CARMIL2: variants seen among roughly 807,000 people sequenced by gnomAD.
CARMIL2 encodes the protein capping protein, Arp2/3 and myosin-I linker protein 2.
Under a neutral mutation model 173.3 loss-of-function variants are expected in CARMIL2, and 96 were observed. That is an observed-to-expected ratio of 0.55 (90% CI 0.47 to 0.66). The LOEUF is 0.66. CARMIL2 is among the 30% of genes least tolerant of loss of function. The probability of loss-of-function intolerance (pLI) is 0.00; values close to 1 mark genes in which losing one functional copy is unlikely to be tolerated. For synonymous variants in CARMIL2, 830 were observed against 817.1 expected, an observed-to-expected ratio of 1.02 and a Z score of -0.27; for missense variants, 1,771 against 1,906.7, an observed-to-expected ratio of 0.93 and a Z score of 1.33.
In CARMIL2 at chr16:67,657,260, G is replaced by T; in HGVS notation, c.4139G>T (p.Arg1380Leu). ...APAERPLRLQ[R>L]SPVLKRRPKL... ...TTAGAACGGCCCCTGAGGCTGCAGCGCTCCCCCGTCCTCAAACGCAGGCCA... is the reference window on the plus strand; with the variant it reads ...TTAGAACGGCCCCTGAGGCTGCAGCTCTCCCCCGTCCTCAAACGCAGGCCA... Residue 1380 changes from arginine (R) to leucine (L), a missense_variant, in exon 37 of 38, where the codon CGC becomes CTC. Physicochemically the swap from Arg to Leu is moderately radical, Grantham distance 102 (BLOSUM62 -2). Coordinates refer to ENST00000334583, the MANE Select transcript of CARMIL2 (RefSeq NM_001013838.3). The surrounding 1 kb of genome is among the most constrained non-coding windows in gnomAD (Gnocchi z 4.5). The T allele has an allele frequency of 6.2e-7, 1 of 1,613,630 alleles. No homozygotes were observed. The highest frequency in any genetic ancestry group is 8.5e-7 in the Non-Finnish European group (1 of 1,179,786).
Position 67,649,318 on chromosome 16 carries a change from T to C in CARMIL2, c.1746+7T>C, listed in dbSNP as rs776333745. 4 of 1,611,716 alleles carry C rather than the reference T, an allele frequency of 2.5e-6. No individual in the cohort carries two copies. The highest frequency in any genetic ancestry group is 3.4e-6 in the Non-Finnish European group (4 of 1,179,614). ...CATGCAGGACGACGATTGTGTGAGT[T>C]CACGGGACCTTGCAGGGCCTCGGGC... On this transcript the variant is annotated splice_region_variant and intron_variant, in intron 19 of 37. Coordinates refer to ENST00000334583, the MANE Select transcript of CARMIL2 (RefSeq NM_001013838.3). The surrounding 1 kb of genome is among the most constrained non-coding windows in gnomAD (Gnocchi z 6.7).
In CARMIL2 at chr16:67,652,764, C is replaced by G. The variant is rs2052751115; in HGVS notation, c.2884+226C>G. Reference sequence around the variant, plus strand: ...GGGACAGGACACCGGCTCAGCTCGCCTCCCCGCGCCCCTTTCCCTACCCCA... The same window carrying G: ...GGGACAGGACACCGGCTCAGCTCGCGTCCCCGCGCCCCTTTCCCTACCCCA... On this transcript the variant is annotated intron_variant, in intron 28 of 37. Transcript: ENST00000334583. This position sits in a 1 kb window ranked among gnomAD's most constrained non-coding sequence, Gnocchi z 4.7. Among the ~76,000 whole-genome samples the G allele has an allele frequency of 6.6e-6, 1 of 152,028 alleles. No individual in the cohort carries two copies. The highest frequency in any genetic ancestry group is 1.5e-5 in the Non-Finnish European group (1 of 67,956).
Position 67,649,061 on chromosome 16 carries a change from C to G in CARMIL2, c.1592-15C>G, listed in dbSNP as rs1370299151. 1.2e-6 allele frequency: 2 copies of G among 1,610,484 alleles called. No homozygotes were observed. The highest frequency in any genetic ancestry group is 1.7e-6 in the Non-Finnish European group (2 of 1,178,534). On this transcript the variant is annotated splice_polypyrimidine_tract_variant and intron_variant, in intron 17 of 37. Transcript: ENST00000334583. The surrounding 1 kb of genome is among the most constrained non-coding windows in gnomAD (Gnocchi z 6.7). Reference sequence around the variant, plus strand: ...CTTGCAACTTCGCCTCGTGCGTGACCCGAGTCACCCCCAGGCTTCGGCTCA... The same window carrying G: ...CTTGCAACTTCGCCTCGTGCGTGACGCGAGTCACCCCCAGGCTTCGGCTCA...
At position 67,645,294 on chromosome 16, in the gene CARMIL2, C is replaced by A; in HGVS notation, c.40+8C>A. The A allele has an allele frequency of 6.2e-7, 1 of 1,602,684 alleles. No individual in the cohort carries two copies. Among genetic ancestry groups the A allele is most frequent in the Non-Finnish European group, 8.5e-7 (1 of 1,175,302 alleles). On this transcript the variant is annotated splice_region_variant and intron_variant, in intron 1 of 37. Coordinates refer to ENST00000334583, the MANE Select transcript of CARMIL2 (RefSeq NM_001013838.3). ...TCTCCTGTGAGCTCCGAGGTAAGCG[C>A]TGGCCCTTCCTGCCTTCTTGGCCGG...
Position 67,652,527 on chromosome 16 carries a change from C to G in CARMIL2, c.2873C>G (p.Pro958Arg). The change falls in exon 28 of 38, where the codon CCC becomes CGC. Residue 958 changes from proline to arginine, a missense_variant. By Grantham distance (103) the Pro-to-Arg change is moderately radical. Around this residue, in one of 3 missense-constraint regions of CARMIL2, gnomAD observed 817 missense variants for 903.5 expected, o/e 0.90. Transcript: ENST00000334583. The surrounding 1 kb of genome is among the most constrained non-coding windows in gnomAD (Gnocchi z 4.7). ...PELSHGLHLV[P>R]FIHSAAEEAE... is the part of the protein sequence containing the mutation. ...CTCAGCCACGGTCTTCACCTGGTCCCCTTCATTCACAGTAAGTCAGGGCCT... is the reference window on the plus strand; with the variant it reads ...CTCAGCCACGGTCTTCACCTGGTCCGCTTCATTCACAGTAAGTCAGGGCCT... 2 of 1,613,506 alleles carry G rather than the reference C, an allele frequency of 1.2e-6. No individual in the cohort carries two copies. The highest frequency in any genetic ancestry group is 1.7e-4 in the Middle Eastern group (1 of 6,056).
rs1597749417 is a variant in CARMIL2, at chr16:67,649,218, A to C, written c.1689-36A>C. The C allele has an allele frequency of 6.2e-7, 1 of 1,611,380 alleles. No homozygotes were observed. The highest frequency in any genetic ancestry group is 8.5e-7 in the Non-Finnish European group (1 of 1,179,088). On this transcript the variant is annotated intron_variant, in intron 18 of 37. Transcript: ENST00000334583. The surrounding 1 kb of genome is among the most constrained non-coding windows in gnomAD (Gnocchi z 6.7). ...TGGGCCTCCCAGACAACACCCCACC[A>C]CCCCTGTCCCCCACAACTGCGGCCC...
chr16:67,648,572 T>G lies in CARMIL2; in HGVS notation c.1439+70T>G. The G allele has an allele frequency of 7.2e-7, 1 of 1,392,750 alleles. No homozygotes were observed. Among genetic ancestry groups the G allele is most frequent in the Non-Finnish European group, 9.8e-7 (1 of 1,021,508 alleles). 86.3% of individuals were successfully genotyped at this position (1,392,750 alleles called of 1,614,324 possible). A position where few individuals can be genotyped will look rare whatever the true frequency, so the allele number is the denominator to read the frequency against. On this transcript the variant is annotated intron_variant, in intron 15 of 37. Transcript: ENST00000334583. This position sits in a 1 kb window ranked among gnomAD's most constrained non-coding sequence, Gnocchi z 6.1. Reference sequence around the variant, plus strand: ...TGCCCTGGCCTTCGCCCCTCCCCGCTCCTGCTTCTGTCGCTCCCACAACCT... The same window carrying G: ...TGCCCTGGCCTTCGCCCCTCCCCGCGCCTGCTTCTGTCGCTCCCACAACCT...
In CARMIL2 at chr16:67,653,798, A is replaced by C. The variant is rs1236972074; in HGVS notation, c.3121-351A>C. ...GTGGAGTGGGGGTGGGGTGGGGGAC[A>C]CTGCAGGGAACTGTTCGGAGCAGAG... On this transcript the variant is annotated intron_variant, in intron 29 of 37. Transcript: ENST00000334583. This position sits in a 1 kb window ranked among gnomAD's most constrained non-coding sequence, Gnocchi z 7.4. 2.0e-5 allele frequency among the ~76,000 whole-genome samples: 3 copies of C among 152,018 alleles called. No individual in the cohort carries two copies. The highest frequency in any genetic ancestry group is 2.9e-5 in the Non-Finnish European group (2 of 67,928).
Position 67,652,584 on chromosome 16 carries a change from G to C in CARMIL2, c.2884+46G>C, listed in dbSNP as rs1457564847. 1 of 1,578,198 alleles carries C rather than the reference G, an allele frequency of 6.3e-7. No individual in the cohort carries two copies. Among genetic ancestry groups the C allele is most frequent in the East Asian group, 2.2e-5 (1 of 44,652 alleles). On this transcript the variant is annotated intron_variant, in intron 28 of 37. Coordinates refer to ENST00000334583, the MANE Select transcript of CARMIL2 (RefSeq NM_001013838.3). This position sits in a 1 kb window ranked among gnomAD's most constrained non-coding sequence, Gnocchi z 4.7. ...AGGGAGTTTACGTGGGTGGGCTGAA[G>C]CTCCATTAGACTTGGGGACCCGGGG...
chr16:67,649,782 C>G lies in CARMIL2; in HGVS notation c.1920-24C>G, dbSNP rs1403992068. ...GTGGGGCGTTGGGAAGCTCCGTCCC[C>G]GACTGAAGCCAGGCCCGGCCCAGGT... On this transcript the variant is annotated intron_variant, in intron 20 of 37. Coordinates refer to ENST00000334583, the MANE Select transcript of CARMIL2 (RefSeq NM_001013838.3). The surrounding 1 kb of genome is among the most constrained non-coding windows in gnomAD (Gnocchi z 6.7). 2 of 1,603,092 alleles carry G rather than the reference C, an allele frequency of 1.2e-6. No homozygotes were observed. Among genetic ancestry groups the G allele is most frequent in the Non-Finnish European group, 1.7e-6 (2 of 1,173,878 alleles).
chr16:67,652,879 G>GGAGGGGCA lies in CARMIL2; in HGVS notation c.2885-132_2885-125dup, dbSNP rs1275305048. 1 of 218,126 alleles carries GGAGGGGCA rather than the reference G, an allele frequency of 4.6e-6. No homozygotes were observed. Among genetic ancestry groups the GGAGGGGCA allele is most frequent in the Non-Finnish European group, 8.5e-6 (1 of 117,936 alleles). 13.5% of individuals were successfully genotyped at this position (218,126 alleles called of 1,614,324 possible). On this transcript the variant is annotated intron_variant, in intron 28 of 37. Coordinates refer to ENST00000334583, the MANE Select transcript of CARMIL2 (RefSeq NM_001013838.3). This position sits in a 1 kb window ranked among gnomAD's most constrained non-coding sequence, Gnocchi z 4.7. The stretch of plus-strand genomic sequence containing the variant: ...ACAGCGGCGGCGGCGGGGGAGGGGC[G>GGAGGGGCA]GAGGGGCAGAGGGGCGGGGGGACGG...
Position 67,654,139 on chromosome 16 carries a change from T to A in CARMIL2, c.3121-10T>A, listed in dbSNP as rs2052787109. 3 of 1,512,786 alleles carry A rather than the reference T, an allele frequency of 2.0e-6. No individual in the cohort carries two copies. The highest frequency in any genetic ancestry group is 2.7e-6 in the Non-Finnish European group (3 of 1,124,548). The allele number at this position is 1,512,786 out of a possible 1,614,324, so 93.7% of individuals were successfully genotyped here. On this transcript the variant is annotated splice_polypyrimidine_tract_variant and intron_variant, in intron 29 of 37. Coordinates refer to ENST00000334583, the MANE Select transcript of CARMIL2 (RefSeq NM_001013838.3). ...TCAACCCTGACCCCTGACCCCATGA[T>A]GCCCCCCAGGTACCCCCAGCCTTGC...
chr16:67,645,870 C>A, intron 3 of CARMIL2, 93 bp downstream of exon 3: 1 of 1,566,420 alleles, frequency 6.4e-7, no homozygotes, highest in Non-Finnish European at 8.7e-7. Context: ...GCCTTGTGGG[C>A]CCTGACTTTG....
At position 67,645,744 on chromosome 16, in the gene CARMIL2, C is replaced by T. The variant is rs1440147493; in HGVS notation, c.153C>T (p.Ala51=). 6.2e-7 allele frequency: 1 copy of T among 1,613,100 alleles called. No homozygotes were observed. The change falls in exon 3 of 38, where the codon GCC becomes GCT. Residue 51 remains alanine, a synonymous_variant. Transcript: ENST00000334583. ...NHVLALLRWR[A]YLLHTTCLPL... The stretch of plus-strand genomic sequence containing the variant: ...CCCAGGCACTGCTACGATGGAGAGC[C>T]TACCTGCTGCACACCACCTGCCTCC...
chr16:67,647,052 C>T (rs1827854882), intron 8 of CARMIL2, 64 bp from the exon 9 acceptor site: 2 of 1,606,454 alleles, frequency 1.2e-6, no homozygotes, highest in East Asian at 2.2e-5. Flanking sequence ...CATGGAGGGG[C>T]TGCTGGGCCT....
At position 67,649,173 on chromosome 16, in the gene CARMIL2, G is replaced by GT. The variant is rs776556027; in HGVS notation, c.1688+2dup. The stretch of plus-strand genomic sequence containing the variant: ...GAAGGAACTTCAACGTCCGGTGCAA[G>GT]TGAGCCCCCACCCTACTCCTGGGCC... On this transcript the variant is annotated splice_donor_variant, in intron 18 of 37. Coordinates refer to ENST00000334583, the MANE Select transcript of CARMIL2 (RefSeq NM_001013838.3). LOFTEE classifies it high-confidence loss of function. This position sits in a 1 kb window ranked among gnomAD's most constrained non-coding sequence, Gnocchi z 6.7. 25 of 1,613,230 alleles carry GT rather than the reference G, an allele frequency of 1.5e-5. No homozygotes were observed. In the South Asian group the frequency reaches 1.6e-4, roughly 11 times the overall value.
rs750706627 is a variant in CARMIL2 at position 67,646,542 on chromosome 16, G to C, written c.466+25G>C. On this transcript the variant is annotated intron_variant, in intron 6 of 37. Transcript: ENST00000334583. The surrounding 1 kb of genome is among the most constrained non-coding windows in gnomAD (Gnocchi z 4.6). ...GGTAAGGGTGAAGGCAGAGCCACAG[G>C]CCTTCCAGCCTGCCCCACCTCTGCC... The C allele has an allele frequency of 1.3e-5, 21 of 1,606,182 alleles. No individual in the cohort carries two copies. In the African/African-American group the frequency reaches 1.7e-4, roughly 13 times the overall value.
intron 8 of CARMIL2, 52 bp downstream of exon 8, chr16:67,647,025 C>A: frequency 6.2e-7 from 1 of 1,603,286 alleles, no homozygotes; most frequent in Non-Finnish European, 8.5e-7. Flanking sequence ...GCCCATATCC[C>A]TGGGCCTCAG....
chr16:67,656,132 G>A lies in CARMIL2; in HGVS notation c.3742+65G>A. On this transcript the variant is annotated intron_variant, in intron 33 of 37. Coordinates refer to ENST00000334583, the MANE Select transcript of CARMIL2 (RefSeq NM_001013838.3). ...AGGTGTCCTTATAGACAGCCCCCAA[G>A]GCACTTGCTCTCCTTGGGGAGGAAG... is the stretch of plus-strand genomic sequence containing the variant. 3 of 1,611,618 alleles carry A rather than the reference G, an allele frequency of 1.9e-6. No homozygotes were observed. In the East Asian group the frequency reaches 6.7e-5, roughly 36 times the overall value.
Sources: gnomAD v4.1 joint callset for allele counts (sites outside exome capture counted in the v4.1 genomes callset) on GRCh38, gnomAD v4.1.1 for gene constraint, gnomAD v4.1.1 regional missense constraint, Gnocchi (gnomAD v3.1) non-coding constraint, MANE v1.5 for transcripts, NCBI Gene and HGNC (gene_info 2026-07-23, HGNC 2026-07-21) for gene names.